CNTN1: variants seen among roughly 807,000 people sequenced by gnomAD.
The protein encoded by CNTN1 is contactin-1.
Under a neutral mutation model 126.4 loss-of-function variants are expected in CNTN1, and 38 were observed. The observed-to-expected ratio is 0.30, with a 90% confidence interval of 0.23 to 0.39. The LOEUF (loss-of-function observed/expected upper bound fraction) is 0.39. CNTN1 is among the 10% of genes least tolerant of loss of function. CNTN1 has a pLI of 1.00. For synonymous variants in CNTN1, 413 were observed against 422.6 expected, an observed-to-expected ratio of 0.98 and a Z score of 0.28; for missense variants, 1,009 against 1,248.4, an observed-to-expected ratio of 0.81 and a Z score of 2.89.
At chr12:41,046,848 T>A (rs1949550000) in intron 23 of CNTN1, among the ~76,000 whole-genome samples, 1 of 92,646 alleles carries the variant, frequency 1.1e-5, no homozygotes, top group Admixed American at 1.2e-4. Context: ...TGCTTATTTC[T>A]TTTTTTTTTT....
At chr12:40,955,440 T>C (rs1946840038) in intron 14 of CNTN1, among the ~76,000 whole-genome samples, 1 of 152,088 alleles carries the variant, frequency 6.6e-6, no homozygotes, top group Admixed American at 6.6e-5. Flanking sequence ...AAATAGTGTA[T>C]AGATATTTGA....
chr12:40,711,253 T>C (rs1273910263), intron 1 of CNTN1, among the ~76,000 whole-genome samples: 1 of 152,162 alleles, frequency 6.6e-6, no homozygotes, highest in African/African-American at 2.4e-5. Flanking sequence ...CCTTCAAACT[T>C]TTGGGTTATG....
At chr12:41,051,227 AAGCTCTGC>A (rs1949671539) in intron 23 of CNTN1, among the ~76,000 whole-genome samples, 1 of 142,246 alleles carries the variant, frequency 7.0e-6, no homozygotes, top group South Asian at 2.2e-4. Flanking sequence ...GGCTCACTGC[AAGCTCTGC>A]CTCCCAGGTT....
At chr12:40,969,808 T>C (rs1432456827) in intron 15 of CNTN1, among the ~76,000 whole-genome samples, 1 of 152,170 alleles carries the variant, frequency 6.6e-6, no homozygotes. Context: ...CCAGGATAAC[T>C]TTGAATCCAC....
At chr12:40,943,334 C>T (rs2136949772) in intron 12 of CNTN1, among the ~76,000 whole-genome samples, 1 of 152,108 alleles carries the variant, frequency 6.6e-6, no homozygotes, top group African/African-American at 2.4e-5. Flanking sequence ...CTGATTTCAG[C>T]CTGTCCCATA....
intron 1 of CNTN1, among the ~76,000 whole-genome samples, chr12:40,874,794 AATG>A (rs1470356087): frequency 1.3e-5 from 2 of 152,168 alleles, no homozygotes; most frequent in African/African-American, 2.4e-5. Context: ...TAGCATAATA[AATG>A]ATGATAAAAA....
At chr12:40,821,026 A>T (rs2136527116) in intron 1 of CNTN1, among the ~76,000 whole-genome samples, 1 of 152,312 alleles carries the variant, frequency 6.6e-6, no homozygotes, top group South Asian at 2.1e-4. Context: ...TTCCTAAAGG[A>T]ATTACTTACT....
At chr12:40,873,411 A>C (rs1381685775) in intron 1 of CNTN1, among the ~76,000 whole-genome samples, 1 of 152,192 alleles carries the variant, frequency 6.6e-6, no homozygotes, top group African/African-American at 2.4e-5. Flanking sequence ...CTTATTGAAC[A>C]CAACTTTGAC....
intron 15 of CNTN1, among the ~76,000 whole-genome samples, chr12:40,967,738 G>A (rs1008086134): frequency 3.3e-5 from 5 of 151,958 alleles, no homozygotes; most frequent in East Asian, 1.9e-4. Flanking sequence ...TACAAGTCTC[G>A]AAGAATATGA....
chr12:40,933,612 GAAAT>G (rs1945973893), intron 8 of CNTN1, 52 bp downstream of exon 8: 2 of 1,531,250 alleles, frequency 1.3e-6, no homozygotes, highest in East Asian at 2.3e-5. Flanking sequence ...ACCATTTTAG[GAAAT>G]AAATAATTGT....
In CNTN1 at chr12:40,718,977, C is replaced by T. The variant is rs192124485; in HGVS notation, c.-77+26385C>T. Among the ~76,000 whole-genome samples the T allele has an allele frequency of 7.3e-4, 111 of 152,150 alleles. No individual in the cohort carries two copies. The East Asian group carries it at 0.015, about 20-fold the overall frequency. The stretch of plus-strand genomic sequence containing the variant: ...GATGGTTTCATCACATTTTCTTTCC[C>T]CTCACCTTGGATGTTTGGAGGGGTT... On this transcript the variant is annotated intron_variant, in intron 1 of 23. Transcript: ENST00000551295.
intron 9 of CNTN1, among the ~76,000 whole-genome samples, chr12:40,935,729 TATA>T (rs2136926070): frequency 6.6e-6 from 1 of 152,184 alleles, no homozygotes; most frequent in East Asian, 1.9e-4. Context: ...ATGTTACAAA[TATA>T]ATGATGAGTG....
chr12:41,033,959 A>AG (rs1472598193), intron 23 of CNTN1, among the ~76,000 whole-genome samples: 1 of 151,638 alleles, frequency 6.6e-6, no homozygotes, highest in African/African-American at 2.4e-5. Flanking sequence ...CTGAGGCAGG[A>AG]GAATGGTGTG....
intron 1 of CNTN1, among the ~76,000 whole-genome samples, chr12:40,747,428 A>T (rs886358705): frequency 3.3e-5 from 5 of 151,946 alleles, no homozygotes; most frequent in Non-Finnish European, 7.4e-5. Context: ...AAAAAAGATG[A>T]TAAAATACAA....
chr12:40,842,055 T>C (rs1942306168), intron 1 of CNTN1, among the ~76,000 whole-genome samples: 1 of 151,838 alleles, frequency 6.6e-6, no homozygotes, highest in Non-Finnish European at 1.5e-5. Context: ...CAAATATAAT[T>C]TGAAAAATAA....
intron 23 of CNTN1, among the ~76,000 whole-genome samples, chr12:41,051,396 C>A (rs1949678285): frequency 6.6e-6 from 1 of 151,760 alleles, no homozygotes; most frequent in South Asian, 2.1e-4. Flanking sequence ...CGTGATCCAC[C>A]CACCTCGGCC....
chr12:40,944,137 C>G lies in CNTN1; in HGVS notation c.1650C>G (p.Asn550Lys). The change falls in exon 14 of 24, where the codon AAC becomes AAG. Residue 550 changes from asparagine to lysine, a missense_variant. Asn to Lys is a moderately conservative substitution (Grantham distance 94). Coordinates refer to ENST00000551295, the MANE Select transcript of CNTN1 (RefSeq NM_001843.4). Reference protein sequence around the residue: ...WSFNGYVIDFNKENIHYQRNF... With the variant: ...WSFNGYVIDFKKENIHYQRNF... ...TCAATGGCTATGTGATCGATTTTAA[C>G]AAAGAGAATATTCACTACCAGAGGA... 6.2e-7 allele frequency: 1 copy of G among 1,613,352 alleles called. No homozygotes were observed. The highest frequency in any genetic ancestry group is 8.5e-7 in the Non-Finnish European group (1 of 1,179,540).
intron 1 of CNTN1, among the ~76,000 whole-genome samples, chr12:40,734,523 T>A (rs1446382618): frequency 1.3e-5 from 2 of 152,150 alleles, no homozygotes; most frequent in Non-Finnish European, 2.9e-5. Context: ...ATTTAAATAC[T>A]GGCCTTTGGC....
At position 40,886,513 on chromosome 12, in the gene CNTN1, A is replaced by C. The variant is rs1487069104; in HGVS notation, c.-76-21844A>C. Among the ~76,000 whole-genome samples the C allele has an allele frequency of 2.6e-5, 4 of 152,162 alleles. No homozygotes were observed. The East Asian group carries it at 7.7e-4, about 29-fold the overall frequency. ...TTGCAAAAATTTTCTCCCATCTTGT[A>C]GGTTGCCTGTTCACTCTGATGGTAG... On this transcript the variant is annotated intron_variant, in intron 1 of 23. Transcript: ENST00000551295.
Sources: allele counts gnomAD v4.1 joint callset (sites outside exome capture counted in the v4.1 genomes callset), GRCh38; gene constraint gnomAD v4.1.1; transcripts MANE v1.5; gene names NCBI Gene and HGNC (gene_info 2026-07-23, HGNC 2026-07-21).